Variants in IL20RA observed in about 807,000 individuals in gnomAD.
IL20RA encodes the protein interleukin 20 receptor subunit alpha, also known as interleukin-20 receptor subunit alpha.
IL20RA carries 29 observed loss-of-function variants against 36.5 expected under a neutral mutation model. That is an observed-to-expected ratio of 0.79 (90% CI 0.59 to 1.08). The LOEUF (loss-of-function observed/expected upper bound fraction) is 1.08, where lower values mean the gene tolerates loss of function less well. Ranked by LOEUF, IL20RA falls within the 50% of genes least tolerant of loss-of-function variation. The pLI is 0.00. For synonymous variants in IL20RA, 279 were observed against 267.1 expected, an observed-to-expected ratio of 1.04 and a Z score of -0.43; for missense variants, 652 against 668.4, an observed-to-expected ratio of 0.98 and a Z score of 0.27.
At chr6:137,020,504 C>A (rs74299343) in intron 1 of IL20RA, among the ~76,000 whole-genome samples, 10,511 of 36,178 alleles carry the variant, frequency 0.29, 593 homozygotes, top group South Asian at 0.51. Context: ...AAAAAAAAAA[C>A]CCCTCCATTC....
At chr6:137,010,600 CTT>C (rs1775456574) in intron 3 of IL20RA, among the ~76,000 whole-genome samples, 1 of 152,150 alleles carries the variant, frequency 6.6e-6, no homozygotes, top group South Asian at 2.1e-4. Flanking sequence ...TGAGTGGGTC[CTT>C]CATGACTGAG....
intron 1 of IL20RA, chr6:137,044,102 T>C: frequency 1.0e-6 from 1 of 985,530 alleles, no homozygotes; most frequent in African/African-American, 1.7e-5. Context: ...TTTAAGAAGC[T>C]GCGTCTTTCT....
chr6:137,039,360 A>C (rs1292784750), intron 1 of IL20RA, among the ~76,000 whole-genome samples: 1 of 152,188 alleles, frequency 6.6e-6, no homozygotes, highest in Non-Finnish European at 1.5e-5. Context: ...GCTGGGCCTC[A>C]AGCTGATAGA....
At chr6:137,035,860 G>A (rs949370792) in intron 1 of IL20RA, among the ~76,000 whole-genome samples, 1 of 152,148 alleles carries the variant, frequency 6.6e-6, no homozygotes, top group Non-Finnish European at 1.5e-5. Flanking sequence ...AACATAGATG[G>A]GTTCGTTGGA....
chr6:137,018,540 G>GTGTGTGTGTGTT (rs1554213696), intron 1 of IL20RA, among the ~76,000 whole-genome samples: 9 of 151,790 alleles, frequency 5.9e-5, no homozygotes, highest in Admixed American at 2.0e-4. Context: ...GTGTGTGTGT[G>GTGTGTGTGTGTT]TGTGTGTGTT....
chr6:137,011,938 G>A (rs1397885091), intron 2 of IL20RA, among the ~76,000 whole-genome samples: 1 of 152,158 alleles, frequency 6.6e-6, no homozygotes, highest in African/African-American at 2.4e-5. Flanking sequence ...CACGAGGCTG[G>A]AGTGCATACA....
chr6:137,008,643 C>T lies in IL20RA; in HGVS notation c.680G>A (p.Arg227His), dbSNP rs200613350. The change falls in exon 5 of 7, where the codon CGC becomes CAC. Residue 227 changes from arginine (R) to histidine (H), a missense_variant. Arg to His is a conservative substitution (Grantham distance 29). Transcript: ENST00000316649. ...CTGCTTCTCAGAAGGCTGAGCACGGCGAGGGGGCCCTGGGACGAAGGACTC... is the reference window on the plus strand; with the variant it reads ...CTGCTTCTCAGAAGGCTGAGCACGGTGAGGGGGCCCTGGGACGAAGGACTC... ...HVESFVPGPP[R>H]RAQPSEKQCA... The T allele has an allele frequency of 8.7e-6, 14 of 1,606,080 alleles. No homozygotes were observed. Among genetic ancestry groups the T allele is most frequent in the South Asian group, 2.3e-5 (2 of 88,592 alleles).
intron 3 of IL20RA, 67 bp downstream of exon 3, chr6:137,011,207 G>A (rs535023311): frequency 1.5e-6 from 2 of 1,325,750 alleles, no homozygotes; most frequent in South Asian, 2.7e-5. Context: ...CTGTCTGTGA[G>A]GCTGAGACTG....
intron 1 of IL20RA, among the ~76,000 whole-genome samples, chr6:137,027,879 A>T (rs776015518): frequency 9.9e-5 from 15 of 152,224 alleles, no homozygotes; most frequent in Non-Finnish European, 1.9e-4. Flanking sequence ...TAAGTGGGAA[A>T]TGCTCCCAAG....
Position 137,009,414 on chromosome 6 carries a change from C to T in IL20RA, c.482G>A (p.Trp161Ter), listed in dbSNP as rs746924544. The T allele has an allele frequency of 6.2e-7, 1 of 1,612,488 alleles. No individual in the cohort carries two copies. The highest frequency in any genetic ancestry group is 8.5e-7 in the Non-Finnish European group (1 of 1,178,674). ...AGGAAGGTCTTCTGGATTTCTCTTCCACTTCTCTGGAGCTGTCAGGACAAC... is the reference window on the plus strand; with the variant it reads ...AGGAAGGTCTTCTGGATTTCTCTTCTACTTCTCTGGAGCTGTCAGGACAAC... The part of the protein sequence containing the change: ...ISVVLTAPEK[W>*]KRNPEDLPVS... The change falls in exon 4 of 7, where the codon TGG becomes TAG. Residue 161 changes from tryptophan to a stop codon, truncating the protein, a stop_gained. Coordinates refer to ENST00000316649, the MANE Select transcript of IL20RA (RefSeq NM_014432.4). LOFTEE classifies it high-confidence loss of function.
chr6:137,007,190 C>T (rs1775310283), intron 5 of IL20RA, among the ~76,000 whole-genome samples: 1 of 152,204 alleles, frequency 6.6e-6, no homozygotes, highest in African/African-American at 2.4e-5. Context: ...GCACTTCTCC[C>T]AAATACAAAT....
At position 137,018,513 on chromosome 6, in the gene IL20RA, C is replaced by CAT. The variant is rs749921946; in HGVS notation, c.89-1411_89-1410insAT. ...ACAATCAATTGACCACTGCCGTGTGCGTGTGTGTGTGTGTGTGTGTGTGTG... is the reference window on the plus strand; with the variant it reads ...ACAATCAATTGACCACTGCCGTGTGCATGTGTGTGTGTGTGTGTGTGTGTGTG... On this transcript the variant is annotated intron_variant, in intron 1 of 6. Transcript: ENST00000316649. Among the ~76,000 whole-genome samples, 640 of 142,916 alleles carry CAT rather than the reference C, an allele frequency of 4.5e-3. 13 individuals are homozygous for CAT. The South Asian group carries it at 0.062, about 14-fold the overall frequency. 93.8% of individuals were successfully genotyped at this position (142,916 alleles called of 152,430 possible).
At chr6:137,030,750 T>A (rs12193149) in intron 1 of IL20RA, among the ~76,000 whole-genome samples, 15,594 of 152,260 alleles carry the variant, frequency 0.1, 1,052 homozygotes, top group Non-Finnish European at 0.15. Context: ...AAAATAATTT[T>A]GGTTTATTGA....
At chr6:137,040,235 G>A (rs1418262897) in intron 1 of IL20RA, among the ~76,000 whole-genome samples, 1 of 151,990 alleles carries the variant, frequency 6.6e-6, no homozygotes, top group Non-Finnish European at 1.5e-5. Context: ...TGAAATTAGT[G>A]GCACCATTAC....
chr6:137,022,138 C>T (rs1428499468), intron 1 of IL20RA, among the ~76,000 whole-genome samples: 2 of 152,178 alleles, frequency 1.3e-5, no homozygotes, highest in Non-Finnish European at 2.9e-5. Context: ...GATATTAATA[C>T]ATCAAATAAT....
intron 1 of IL20RA, among the ~76,000 whole-genome samples, chr6:137,036,509 G>A (rs1776499000): frequency 6.6e-6 from 1 of 152,174 alleles, no homozygotes; most frequent in South Asian, 2.1e-4. Flanking sequence ...AGACAGACAT[G>A]CAGAGTCTTC....
intron 1 of IL20RA, among the ~76,000 whole-genome samples, chr6:137,038,483 C>T (rs139116585): frequency 1.3e-5 from 2 of 152,204 alleles, no homozygotes; most frequent in Non-Finnish European, 2.9e-5. Flanking sequence ...AGGCATGACC[C>T]ATTGCCCTTG....
intron 1 of IL20RA, among the ~76,000 whole-genome samples, chr6:137,033,430 G>A (rs1776368557): frequency 6.6e-6 from 1 of 152,210 alleles, no homozygotes. Flanking sequence ...GGAGGTGATT[G>A]GACCATGGGG....
chr6:137,025,170 C>T (rs1027214994), intron 1 of IL20RA, among the ~76,000 whole-genome samples: 1 of 152,168 alleles, frequency 6.6e-6, no homozygotes, highest in African/African-American at 2.4e-5. Flanking sequence ...GTGTGTTCCT[C>T]CTCCCCATCA....
Sources: allele counts gnomAD v4.1 joint callset (sites outside exome capture counted in the v4.1 genomes callset), GRCh38; gene constraint gnomAD v4.1.1; transcripts MANE v1.5; gene names NCBI Gene and HGNC (gene_info 2026-07-23, HGNC 2026-07-21).